STAU2: variants seen among roughly 807,000 people sequenced by gnomAD.
STAU2 encodes the protein double-stranded RNA-binding protein Staufen homolog 2.
In STAU2, 20 loss-of-function variants were observed where a neutral mutation model predicts 65.9. The observed-to-expected ratio is 0.30, with a 90% CI of 0.21 to 0.44. The LOEUF is 0.44. Among genes scored for constraint, STAU2 ranks in the 20% least tolerant of loss-of-function variants. The probability of loss-of-function intolerance (pLI) is 1.00; values close to 1 mark genes in which losing one functional copy is unlikely to be tolerated. For synonymous variants in STAU2, 232 were observed against 233.9 expected (o/e 0.99, Z 0.07); for missense variants, 558 against 683.9 (o/e 0.82, Z 2.05).
At chr8:73,669,254 C>T (rs1817482561) in intron 6 of STAU2, 1 of 566,560 alleles carries the variant, frequency 1.8e-6, no homozygotes, top group African/African-American at 1.9e-5. Context: ...TTCTTTTTAC[C>T]TTTTTGTGAT....
chr8:73,582,878 A>C (rs761191280), intron 11 of STAU2, 48 bp from the exon 12 acceptor site: 2 of 1,557,980 alleles, frequency 1.3e-6, no homozygotes, highest in Admixed American at 3.9e-5. Context: ...AAGCTTATTC[A>C]AAAAGAAAAA....
chr8:73,646,698 A>T (rs1470711789), intron 6 of STAU2, among the ~76,000 whole-genome samples: 1 of 152,156 alleles, frequency 6.6e-6, no homozygotes, highest in Non-Finnish European at 1.5e-5. Flanking sequence ...AAGCACACTC[A>T]CAAAAAAAAC....
At chr8:73,679,978 A>ATT (rs1160379353) in intron 5 of STAU2, among the ~76,000 whole-genome samples, 11,546 of 81,414 alleles carry the variant, frequency 0.14, 1,573 homozygotes, top group East Asian at 0.33. Context: ...TAGGGAAGCC[A>ATT]TTTTTTTTTT....
rs546159865 is a variant in STAU2, at chr8:73,618,147, C to T, written c.411-696G>A. On this transcript the variant is annotated intron_variant, in intron 6 of 14. Transcript: ENST00000524300. ...ATTAATTCAACAATTATTTATGGAG[C>T]GTCTTCTATTTGACAGGGGACTATG... 5.3e-5 allele frequency among the ~76,000 whole-genome samples: 8 copies of T among 152,044 alleles called. No individual in the cohort carries two copies. The South Asian group carries it at 1.2e-3, about 24-fold the overall frequency.
chr8:73,652,362 C>G (rs1023185254), intron 6 of STAU2: 2 of 152,048 alleles, frequency 1.3e-5, no homozygotes, highest in Admixed American at 1.3e-4. Context: ...ACAAATGAAC[C>G]CTTTCTGTTT....
intron 6 of STAU2, among the ~76,000 whole-genome samples, chr8:73,632,347 C>G (rs2130038906): frequency 6.6e-6 from 1 of 151,072 alleles, no homozygotes; most frequent in Admixed American, 6.6e-5. Context: ...TCAAGCAAAC[C>G]AATAAGTCAT....
chr8:73,679,666 G>A (rs1818261251), intron 5 of STAU2, among the ~76,000 whole-genome samples: 1 of 136,550 alleles, frequency 7.3e-6, no homozygotes, highest in African/African-American at 2.9e-5. Context: ...TGGATCGCTT[G>A]AGCCCAGTTT....
At chr8:73,492,487 C>T (rs908538954) in intron 13 of STAU2, among the ~76,000 whole-genome samples, 2 of 151,812 alleles carry the variant, frequency 1.3e-5, no homozygotes, top group African/African-American at 2.4e-5. Context: ...TAGATAAGTA[C>T]TCTCTTGAAA....
At chr8:73,739,326 T>C (rs953424163) in intron 2 of STAU2, among the ~76,000 whole-genome samples, 1 of 151,708 alleles carries the variant, frequency 6.6e-6, no homozygotes, top group Non-Finnish European at 1.5e-5. Flanking sequence ...TGGGATCTTG[T>C]AATGAAAAAA....
At chr8:73,628,560 A>C (rs191179719) in intron 6 of STAU2, among the ~76,000 whole-genome samples, 2 of 152,310 alleles carry the variant, frequency 1.3e-5, no homozygotes, top group East Asian at 3.9e-4. Flanking sequence ...GCACTTTGAA[A>C]ACAACTAGTG....
chr8:73,556,795 T>C (rs1807809599), intron 12 of STAU2, among the ~76,000 whole-genome samples: 1 of 152,100 alleles, frequency 6.6e-6, no homozygotes, highest in Non-Finnish European at 1.5e-5. Context: ...AGGTCAGTGG[T>C]TGTCTGGGGA....
chr8:73,502,021 T>C (rs1821786916), intron 13 of STAU2, among the ~76,000 whole-genome samples: 1 of 151,970 alleles, frequency 6.6e-6, no homozygotes, highest in Non-Finnish European at 1.5e-5. Flanking sequence ...CTTCTGCTGA[T>C]ATTCAAAAAA....
intron 10 of STAU2, among the ~76,000 whole-genome samples, chr8:73,597,113 T>C (rs1167718635): frequency 4.7e-5 from 7 of 149,924 alleles, no homozygotes; most frequent in African/African-American, 1.5e-4. Context: ...CCAGAGAAAA[T>C]AGAAGAATAA....
chr8:73,682,891 T>C (rs914824162), intron 5 of STAU2, among the ~76,000 whole-genome samples: 1 of 152,058 alleles, frequency 6.6e-6, no homozygotes, highest in African/African-American at 2.4e-5. Flanking sequence ...CCTGGAAATA[T>C]ACAACCCTTC....
chr8:73,659,107 AC>A (rs1167960295), intron 6 of STAU2, among the ~76,000 whole-genome samples: 2 of 152,202 alleles, frequency 1.3e-5, no homozygotes. Context: ...TCATAAAGGA[AC>A]CCTCCAAAAC....
At chr8:73,560,176 G>A (rs535338072) in intron 12 of STAU2, among the ~76,000 whole-genome samples, 34 of 150,084 alleles carry the variant, frequency 2.3e-4, no homozygotes, top group African/African-American at 8.3e-4. Flanking sequence ...TGCCTCCCGG[G>A]TTCACGCCAT....
chr8:73,703,285 T>C lies in STAU2; in HGVS notation c.114+5747A>G, dbSNP rs117496902. On this transcript the variant is annotated intron_variant, in intron 4 of 14. Coordinates refer to ENST00000524300, the MANE Select transcript of STAU2 (RefSeq NM_001164380.2). ...ATAAAAGTGTGTGGGACCCCCCCAA[T>C]CCCCACATTGCTCCTGCTTTTACCA... Among the ~76,000 whole-genome samples, 226 of 152,142 alleles carry C rather than the reference T, an allele frequency of 1.5e-3. 2 individuals are homozygous for C. In the East Asian group the frequency reaches 0.027, roughly 18 times the overall value.
intron 6 of STAU2, chr8:73,672,210 A>AAGC (rs1817734682): frequency 1.3e-5 from 2 of 152,206 alleles, no homozygotes; most frequent in Non-Finnish European, 2.9e-5. Flanking sequence ...ATGAATCCCC[A>AAGC]AACAAGAAAA....
intron 6 of STAU2, among the ~76,000 whole-genome samples, chr8:73,622,227 C>T (rs1224278707): frequency 4.6e-5 from 5 of 109,466 alleles, no homozygotes; most frequent in Non-Finnish European, 6.8e-5. Flanking sequence ...CTGGGGTTCA[C>T]GCCATTCTCC....
Sources: allele counts gnomAD v4.1 joint callset (sites outside exome capture counted in the v4.1 genomes callset), GRCh38; gene constraint gnomAD v4.1.1; transcripts MANE v1.5; gene names NCBI Gene and HGNC (gene_info 2026-07-23, HGNC 2026-07-21).